The following SYCP2 variants were observed in gnomAD, a reference collection of about 807,000 sequenced individuals.
SYCP2 encodes synaptonemal complex protein 2, also known as synaptonemal complex lateral element protein.
A neutral mutation model predicts 211.3 loss-of-function variants in SYCP2; 55 were observed. That is an observed-to-expected ratio of 0.26 (90% CI 0.21 to 0.33). The LOEUF is 0.33. SYCP2 is among the 10% of genes least tolerant of loss of function. SYCP2 has a pLI of 1.00. For missense variants in SYCP2, 1,731 were observed against 1,752.0 expected (o/e 0.99, Z 0.21); for synonymous variants, 570 against 555.2 (o/e 1.03, Z -0.37).
chr20:59,915,372 A>G (rs1390808389), intron 9 of SYCP2, 93 bp downstream of exon 9: 8 of 1,014,268 alleles, frequency 7.9e-6, no homozygotes, highest in Non-Finnish European at 1.2e-5. Flanking sequence ...ACAGTTTATC[A>G]GTTTCATTAT....
chr20:59,920,165 C>G (rs2060514545), intron 5 of SYCP2, among the ~76,000 whole-genome samples, 194 bp downstream of exon 5: 1 of 151,556 alleles, frequency 6.6e-6, no homozygotes, highest in African/African-American at 2.4e-5. Flanking sequence ...ACATGATTAC[C>G]AAGGAGTCTG....
Position 59,922,447 on chromosome 20 carries a change from A to T in SYCP2, c.-34T>A. ...CATTTAAAAAAAAAAAAAAAGCAAG[A>T]CAAAATAAACACCTATAAAAGAAAA... On this transcript the variant is annotated 5_prime_UTR_variant, in exon 3 of 45. Coordinates refer to ENST00000357552, the MANE Select transcript of SYCP2 (RefSeq NM_014258.4). 7.1e-7 allele frequency: 1 copy of T among 1,406,428 alleles called. No individual in the cohort carries two copies. The allele number at this position is 1,406,428 out of a possible 1,614,324, so 87.1% of individuals were successfully genotyped here. A position where few individuals can be genotyped will look rare whatever the true frequency, so the allele number is the denominator to read the frequency against.
intron 12 of SYCP2, among the ~76,000 whole-genome samples, 195 bp downstream of exon 12, chr20:59,913,780 A>C (rs1307315513): frequency 1.3e-5 from 2 of 152,138 alleles, no homozygotes; most frequent in Non-Finnish European, 2.9e-5. Flanking sequence ...AGGCCAGTGC[A>C]GAATTATTTC....
At chr20:59,889,599 C>A (rs948655233) in intron 24 of SYCP2, among the ~76,000 whole-genome samples, 15 of 151,832 alleles carry the variant, frequency 9.9e-5, no homozygotes, top group African/African-American at 2.4e-5. Flanking sequence ...ACTATTTTAA[C>A]CATTTTTAAG....
At chr20:59,923,231 G>A (rs146006336) in intron 2 of SYCP2, among the ~76,000 whole-genome samples, 85 of 151,946 alleles carry the variant, frequency 5.6e-4, no homozygotes, top group African/African-American at 1.9e-3. Context: ...AAAGATAAAC[G>A]TCATTGATTC....
rs566067667 is a variant in SYCP2 at position 59,881,139 on chromosome 20, A to G, written c.2715-116T>C. ...GTCTTAACTTTTTCACTAATTAGCT[A>G]TATTATTCTGGCCAAGCCACTTATC... On this transcript the variant is annotated intron_variant, in intron 29 of 44. Coordinates refer to ENST00000357552, the MANE Select transcript of SYCP2 (RefSeq NM_014258.4). 971 of 606,320 alleles carry G rather than the reference A, an allele frequency of 1.6e-3. 10 individuals carry two copies. Among genetic ancestry groups the G allele is most frequent in the Non-Finnish European group, 5.1e-4 (181 of 354,840 alleles). The allele number at this position is 606,320 out of a possible 1,614,324, so 37.6% of individuals were successfully genotyped here. A position where few individuals can be genotyped will look rare whatever the true frequency, so the allele number is the denominator to read the frequency against.
intron 15 of SYCP2, among the ~76,000 whole-genome samples, chr20:59,906,847 T>A (rs2060222936): frequency 6.6e-6 from 1 of 151,980 alleles, no homozygotes; most frequent in Non-Finnish European, 1.5e-5. Flanking sequence ...ATATTTAAAA[T>A]ATATACTTTA....
At chr20:59,888,151 TAG>T (rs1192160559) in intron 24 of SYCP2, among the ~76,000 whole-genome samples, 151 of 152,144 alleles carry the variant, frequency 9.9e-4, no homozygotes, top group African/African-American at 3.4e-3. Context: ...CTTCCTAACT[TAG>T]TCTATGAGGC....
intron 2 of SYCP2, among the ~76,000 whole-genome samples, chr20:59,929,406 C>T (rs766728994): frequency 2.0e-5 from 3 of 152,132 alleles, no homozygotes; most frequent in Non-Finnish European, 4.4e-5. Context: ...TCTAATTTTA[C>T]ACTTTAGAGA....
intron 2 of SYCP2, among the ~76,000 whole-genome samples, chr20:59,925,022 A>G (rs529216814): frequency 1.3e-4 from 20 of 152,240 alleles, no homozygotes; most frequent in African/African-American, 4.6e-4. Context: ...TGGAATGAAA[A>G]TTGAGAACAA....
chr20:59,874,066 A>G lies in SYCP2; in HGVS notation c.3350-5T>C, dbSNP rs542604690. ...TTTCTGTTATTTTCTCTATACCTATATTGCATCAAAATAAAAAAGAAAATA... is the reference window on the plus strand; with the variant it reads ...TTTCTGTTATTTTCTCTATACCTATGTTGCATCAAAATAAAAAAGAAAATA... On this transcript the variant is annotated splice_region_variant and splice_polypyrimidine_tract_variant and intron_variant, in intron 34 of 44. Coordinates refer to ENST00000357552, the MANE Select transcript of SYCP2 (RefSeq NM_014258.4). 11 of 1,507,286 alleles carry G rather than the reference A, an allele frequency of 7.3e-6. No homozygotes were observed. In the South Asian group the frequency reaches 1.4e-4, roughly 19 times the overall value. The allele number at this position is 1,507,286 out of a possible 1,614,324, so 93.4% of individuals were successfully genotyped here. A position where few individuals can be genotyped will look rare whatever the true frequency, so the allele number is the denominator to read the frequency against.
chr20:59,881,370 A>G, intron 29 of SYCP2, 67 bp downstream of exon 29: 1 of 835,916 alleles, frequency 1.2e-6, no homozygotes, highest in Non-Finnish European at 1.9e-6. Flanking sequence ...AAAAACTCTA[A>G]GACTGGGAGG....
chr20:59,922,490 TCA>T (rs927905490), intron 2 of SYCP2, 31 bp from the exon 3 acceptor site: 2 of 1,102,258 alleles, frequency 1.8e-6, no homozygotes, highest in African/African-American at 1.6e-5. Flanking sequence ...TTTCTGTATC[TCA>T]CAATCTGTTT....
At chr20:59,931,543 A>G (rs2060740947) in intron 2 of SYCP2, among the ~76,000 whole-genome samples, 1 of 152,068 alleles carries the variant, frequency 6.6e-6, no homozygotes, top group Non-Finnish European at 1.5e-5. Context: ...CTCCATTTAT[A>G]CTCTTACCCT....
Position 59,913,880 on chromosome 20 carries a change from G to GAACA in SYCP2, c.830+94_830+95insTGTT, listed in dbSNP as rs575628776. The GAACA allele has an allele frequency of 1.3e-4, 110 of 875,570 alleles. No individual in the cohort carries two copies. In the African/African-American group the frequency reaches 1.7e-3, roughly 14 times the overall value. The allele number at this position is 875,570 out of a possible 1,614,324, so 54.2% of individuals were successfully genotyped here. A position where few individuals can be genotyped will look rare whatever the true frequency, so the allele number is the denominator to read the frequency against. On this transcript the variant is annotated intron_variant, in intron 12 of 44. Transcript: ENST00000357552. The stretch of plus-strand genomic sequence containing the variant: ...CACTCCAACATAGTGTAGAGAACAA[G>GAACA]AATAAAGTTAAATGTATAAAGATGC...
chr20:59,900,659 C>T, intron 17 of SYCP2, 85 bp downstream of exon 17: 1 of 990,068 alleles, frequency 1.0e-6, no homozygotes, highest in South Asian at 1.5e-5. Context: ...TATATATTCA[C>T]CCTCCAACAA....
Position 59,864,394 on chromosome 20 carries a change from G to C in SYCP2, c.4516-6C>G. 6.4e-7 allele frequency: 1 copy of C among 1,563,708 alleles called. No individual in the cohort carries two copies. The highest frequency in any genetic ancestry group is 1.9e-5 in the Admixed American group (1 of 51,676). Reference sequence around the variant, plus strand: ...TTAAGAAGCTCCTCTTCTAGCTATAGCCAAGAAAAAAAAAATCACACTTAG... The same window carrying C: ...TTAAGAAGCTCCTCTTCTAGCTATACCCAAGAAAAAAAAAATCACACTTAG... On this transcript the variant is annotated splice_polypyrimidine_tract_variant and splice_region_variant and intron_variant, in intron 44 of 44. Transcript: ENST00000357552.
At chr20:59,891,833 G>T (rs1042194901) in intron 24 of SYCP2, among the ~76,000 whole-genome samples, 157 bp downstream of exon 24, 3 of 151,904 alleles carry the variant, frequency 2.0e-5, no homozygotes, top group Admixed American at 2.0e-4. Context: ...CTACGACAAG[G>T]GAGAGGTGAG....
At chr20:59,890,581 AGTAGGTAGGTAGGTAG>A (rs139061503) in intron 24 of SYCP2, among the ~76,000 whole-genome samples, 1 of 151,352 alleles carries the variant, frequency 6.6e-6, no homozygotes, top group African/African-American at 2.4e-5. Context: ...TAGGTAGGTA[AGTAGGTAGGTAGGTAG>A]GTAGGTAGGT....
Sources: allele counts gnomAD v4.1 joint callset (sites outside exome capture counted in the v4.1 genomes callset), GRCh38; gene constraint gnomAD v4.1.1; transcripts MANE v1.5; gene names NCBI Gene and HGNC (gene_info 2026-07-23, HGNC 2026-07-21).